The following TACC2 variants were observed in gnomAD, a reference collection of about 807,000 sequenced individuals.
The protein encoded by TACC2 is transforming acidic coiled-coil containing protein 2.
Under a neutral mutation model 227.3 loss-of-function variants are expected in TACC2, and 137 were observed. The ratio of observed to expected loss-of-function variants is 0.60; its 90% CI spans 0.52 to 0.69. The LOEUF is 0.69. Ranked by LOEUF, TACC2 falls within the 30% of genes least tolerant of loss-of-function variation. The pLI is 0.00. For synonymous variants in TACC2, 1,523 were observed against 1,487.5 expected (o/e 1.02, Z -0.55); for missense variants, 3,470 against 3,694.4 (o/e 0.94, Z 1.57).
intron 5 of TACC2, among the ~76,000 whole-genome samples, chr10:122,098,145 C>T (rs573941930): frequency 6.6e-6 from 1 of 152,236 alleles, no homozygotes; most frequent in Non-Finnish European, 1.5e-5. Context: ...TTCACGGGCT[C>T]CTGTCTGCTC....
intron 5 of TACC2, among the ~76,000 whole-genome samples, chr10:122,113,435 G>A (rs2084014496): frequency 6.6e-6 from 1 of 152,232 alleles, no homozygotes; most frequent in African/African-American, 2.4e-5. Context: ...GAAACCGCGG[G>A]CCCCAGAGTG....
chr10:122,227,849 A>G lies in TACC2; in HGVS notation c.7737A>G (p.Glu2579=), dbSNP rs771274057. ...TTGCTTCCCCCAGGTCAAGTTTTGA[A>G]GAGACTGAAGCCCTTGTGAACACTG... is the stretch of plus-strand genomic sequence containing the variant. ...SPTPCSGSSF[E]ETEALVNTAA... is the part of the protein sequence containing the mutation. Residue 2579 remains glutamate (E), a synonymous_variant, in exon 14 of 23, where the codon GAA becomes GAG. Coordinates refer to ENST00000369005, the MANE Select transcript of TACC2 (RefSeq NM_206862.4). 8.1e-6 allele frequency: 13 copies of G among 1,611,062 alleles called. No individual in the cohort carries two copies. The East Asian group carries it at 1.1e-4, about 14-fold the overall frequency.
At chr10:122,101,202 T>A (rs1317854037) in intron 5 of TACC2, among the ~76,000 whole-genome samples, 1 of 152,058 alleles carries the variant, frequency 6.6e-6, no homozygotes, top group Non-Finnish European at 1.5e-5. Flanking sequence ...TCTCATGAGG[T>A]CTCAGTTTCC....
chr10:122,066,273 A>AT (rs71482682), intron 3 of TACC2, among the ~76,000 whole-genome samples: 1,563 of 132,008 alleles, frequency 0.012, 7 homozygotes, highest in Middle Eastern at 0.023. Context: ...ATGCCCAGCT[A>AT]TTTTTTTTTT....
At chr10:122,115,396 T>A (rs2084498995) in intron 5 of TACC2, among the ~76,000 whole-genome samples, 1 of 152,030 alleles carries the variant, frequency 6.6e-6, no homozygotes, top group African/African-American at 2.4e-5. Context: ...TCTGGAAATG[T>A]GGGAGGATAT....
In TACC2 at chr10:122,219,082, C is replaced by A. The variant is rs183361211; in HGVS notation, c.7546+2254C>A. On this transcript the variant is annotated intron_variant, in intron 11 of 22. Coordinates refer to ENST00000369005, the MANE Select transcript of TACC2 (RefSeq NM_206862.4). ...CCCCTGACCCCAGAGGCCCTACGAT[C>A]TGGCCTCAGCCTCCTTTGGATCCTT... Among the ~76,000 whole-genome samples the A allele has an allele frequency of 8.6e-5, 13 of 151,752 alleles. No homozygotes were observed. In the East Asian group the frequency reaches 1.9e-3, roughly 23 times the overall value.
At chr10:122,129,484 A>G (rs1251912011) in intron 5 of TACC2, among the ~76,000 whole-genome samples, 1 of 152,102 alleles carries the variant, frequency 6.6e-6, no homozygotes, top group Admixed American at 6.5e-5. Flanking sequence ...TCCAGTTGTG[A>G]TCAGCATATT....
At chr10:122,070,324 A>G (rs1303202077) in intron 3 of TACC2, among the ~76,000 whole-genome samples, 1 of 152,194 alleles carries the variant, frequency 6.6e-6, no homozygotes, top group Non-Finnish European at 1.5e-5. Context: ...AAGAAGGGAT[A>G]TAGACTGGGC....
intron 8 of TACC2, among the ~76,000 whole-genome samples, chr10:122,203,295 C>T (rs1460406445): frequency 7.4e-6 from 1 of 134,946 alleles, no homozygotes; most frequent in Non-Finnish European, 1.5e-5. Flanking sequence ...AGGGGCTCCT[C>T]ACTTCCCAGT....
At chr10:122,228,465 CAG>C (rs920654758) in intron 14 of TACC2, among the ~76,000 whole-genome samples, 3 of 152,226 alleles carry the variant, frequency 2.0e-5, no homozygotes, top group Non-Finnish European at 4.4e-5. Context: ...GCAGAGCAAA[CAG>C]AGCTGAGCTG....
At chr10:122,105,853 C>T (rs1255697343) in intron 5 of TACC2, among the ~76,000 whole-genome samples, 1 of 151,836 alleles carries the variant, frequency 6.6e-6, no homozygotes, top group Non-Finnish European at 1.5e-5. Flanking sequence ...GAACTCCTCA[C>T]CTCAGGTGAT....
chr10:122,082,089 G>A (rs1186751186), intron 3 of TACC2, among the ~76,000 whole-genome samples: 2 of 59,090 alleles, frequency 3.4e-5, no homozygotes, highest in Non-Finnish European at 7.3e-5. Context: ...GCTGAGGTGG[G>A]AAGATTGCTT....
intron 8 of TACC2, among the ~76,000 whole-genome samples, chr10:122,207,841 C>T (rs561510768): frequency 2.0e-5 from 3 of 152,284 alleles, no homozygotes; most frequent in South Asian, 2.1e-4. Flanking sequence ...GCACGTGTAA[C>T]GGCCTGAGAG....
Position 122,236,880 on chromosome 10 carries a change from G to A in TACC2, c.8128-515G>A, listed in dbSNP as rs140883433. ...GGTTGACAACTACAGTAGGCTTTAA[G>A]CTTTGCGTGACTCACATCCTTTCAA... On this transcript the variant is annotated intron_variant, in intron 16 of 22. Coordinates refer to ENST00000369005, the MANE Select transcript of TACC2 (RefSeq NM_206862.4). 7.9e-5 allele frequency among the ~76,000 whole-genome samples: 12 copies of A among 152,342 alleles called. No homozygotes were observed. The East Asian group carries it at 2.1e-3, about 27-fold the overall frequency.
Position 122,041,441 on chromosome 10 carries a change from C to CTT in TACC2, c.34-8983_34-8982dup, listed in dbSNP as rs537169387. ...TTCATGACAGCACAGAGTTTCCTTT[C>CTT]TTTTTTTTTTTTTTTCTCGTAACGA... On this transcript the variant is annotated intron_variant, in intron 2 of 22. Coordinates refer to ENST00000369005, the MANE Select transcript of TACC2 (RefSeq NM_206862.4). Among the ~76,000 whole-genome samples, 304 of 140,170 alleles carry CTT rather than the reference C, an allele frequency of 2.2e-3. 9 individuals are homozygous for CTT. Among genetic ancestry groups the CTT allele is most frequent in the Non-Finnish European group, 3.3e-3 (213 of 65,318 alleles). The allele number at this position is 140,170 out of a possible 152,430, so 92.0% of individuals were successfully genotyped here.
intron 5 of TACC2, among the ~76,000 whole-genome samples, chr10:122,117,645 C>T (rs2013356623): frequency 6.6e-6 from 1 of 152,212 alleles, no homozygotes; most frequent in Non-Finnish European, 1.5e-5. Flanking sequence ...AGGTTATTTA[C>T]AGTCCCGCTA....
In TACC2 at chr10:122,088,577, G is replaced by A. The variant is rs373310579; in HGVS notation, c.5559G>A (p.Ala1853=). ...TCACTTCAGATGAGACCAGAGGTGCGGAAGGAACAGAAAGGTCAGCGAAAG... is the reference window on the plus strand; with the variant it reads ...TCACTTCAGATGAGACCAGAGGTGCAGAAGGAACAGAAAGGTCAGCGAAAG... ...DKVTSDETRG[A]EGTESSPVAD... Residue 1853 remains alanine (A), a synonymous_variant, in exon 5 of 23, where the codon GCG becomes GCA. Transcript: ENST00000369005. 29 of 1,613,102 alleles carry A rather than the reference G, an allele frequency of 1.8e-5. No homozygotes were observed. The East Asian group carries it at 3.3e-4, about 19-fold the overall frequency.
At chr10:122,138,615 T>C (rs1000060539) in intron 6 of TACC2, among the ~76,000 whole-genome samples, 3 of 152,226 alleles carry the variant, frequency 2.0e-5, no homozygotes, top group African/African-American at 7.2e-5. Context: ...AGAATTCCTT[T>C]GTACCTTTAG....
At chr10:122,213,554 C>A (rs2095340957) in intron 9 of TACC2, among the ~76,000 whole-genome samples, 1 of 152,196 alleles carries the variant, frequency 6.6e-6, no homozygotes, top group Non-Finnish European at 1.5e-5. Flanking sequence ...TTTTCTGTTT[C>A]ATAGTGATTT....
Sources: allele counts gnomAD v4.1 joint callset (sites outside exome capture counted in the v4.1 genomes callset), GRCh38; gene constraint gnomAD v4.1.1; transcripts MANE v1.5; gene names NCBI Gene and HGNC (gene_info 2026-07-23, HGNC 2026-07-21).